B4GALT7: variants seen among roughly 807,000 people sequenced by gnomAD.
The protein encoded by B4GALT7 is beta-1,4-galactosyltransferase 7.
A neutral mutation model predicts 33.0 loss-of-function variants in B4GALT7; 30 were observed. The observed-to-expected ratio is 0.91, with a 90% CI of 0.68 to 1.23. The LOEUF (loss-of-function observed/expected upper bound fraction) is 1.23, where lower values mean the gene tolerates loss of function less well. Among genes scored for constraint, B4GALT7 ranks in the 50% most tolerant of loss-of-function variants. B4GALT7 has a pLI of 0.00. For synonymous variants in B4GALT7, 213 were observed against 187.2 expected (o/e 1.14, Z -1.13); for missense variants, 507 against 450.8 (o/e 1.12, Z -1.13).
At position 177,604,532 on chromosome 5, in the gene B4GALT7, A is replaced by C; in HGVS notation, c.404A>C (p.Asp135Ala). 1 of 1,613,674 alleles carries C rather than the reference A, an allele frequency of 6.2e-7. No individual in the cohort carries two copies. Among genetic ancestry groups the C allele is most frequent in the Non-Finnish European group, 8.5e-7 (1 of 1,179,914 alleles). ...RHHIYVLNQVDHFRFNRAALI... is the reference protein window; with the variant it reads ...RHHIYVLNQVAHFRFNRAALI... ...CACATCTACGTGCTCAACCAGGTGG[A>C]CCACTTCAGGTAGCGCCCGCCCCCA... Residue 135 changes from aspartate to alanine, a missense_variant, in exon 2 of 6, where the codon GAC becomes GCC. Physicochemically the swap from Asp to Ala is moderately radical, Grantham distance 126. Coordinates refer to ENST00000029410, the MANE Select transcript of B4GALT7 (RefSeq NM_007255.3).
At chr5:177,607,101 C>G (rs1019659792) in intron 2 of B4GALT7, 83 of 645,346 alleles carry the variant, frequency 1.3e-4, no homozygotes, top group East Asian at 7.7e-4. Flanking sequence ...ACTGCTGTAC[C>G]TCCCGTGCTT....
At position 177,608,519 on chromosome 5, in the gene B4GALT7, G is replaced by A. The variant is rs767067648; in HGVS notation, c.640-20G>A. On this transcript the variant is annotated intron_variant, in intron 3 of 5. Transcript: ENST00000029410. This position sits in a 1 kb window ranked among gnomAD's most constrained non-coding sequence, Gnocchi z 4.1. ...CCCCCGGGAAGATGGGCCGAGTGAC[G>A]CTGCTTGTCTCTGTGTCAGTGCAAT... 6.9e-6 allele frequency: 11 copies of A among 1,605,490 alleles called. No homozygotes were observed. Among genetic ancestry groups the A allele is most frequent in the South Asian group, 2.2e-5 (2 of 90,912 alleles).
rs138092105 is a variant in B4GALT7 at position 177,607,282 on chromosome 5, G to A, written c.414-20G>A. 1.3e-3 allele frequency: 2,130 copies of A among 1,584,444 alleles called. 18 individuals carry two copies. The highest frequency in any genetic ancestry group is 5.0e-4 in the Non-Finnish European group (579 of 1,166,192). On this transcript the variant is annotated intron_variant, in intron 2 of 5. Transcript: ENST00000029410. Reference sequence around the variant, plus strand: ...TGAGCCCGTGTGCTGCCCCTGCCCAGCCTTGCCCACCCTGCACAGGTTCAA... The same window carrying A: ...TGAGCCCGTGTGCTGCCCCTGCCCAACCTTGCCCACCCTGCACAGGTTCAA...
Position 177,607,560 on chromosome 5 carries a change from C to A in B4GALT7, c.639+33C>A, listed in dbSNP as rs112665401. ...CCGGACAGCCTGCTCTGCTCAGAGC[C>A]GGGAGCTCCCTCCAGGCTGCGGGTG... On this transcript the variant is annotated intron_variant, in intron 3 of 5. Transcript: ENST00000029410. The A allele has an allele frequency of 3.8e-4, 604 of 1,584,780 alleles. 4 individuals carry two copies. The African/African-American group carries it at 5.7e-3, about 15-fold the overall frequency.
chr5:177,606,963 A>C lies in B4GALT7; in HGVS notation c.414-339A>C, dbSNP rs1006892474. ...ACAAGAGCCACCTCCACCCCCAGCAAGATCGCCCTCCTTGCCTGCTTTGCT... is the reference window on the plus strand; with the variant it reads ...ACAAGAGCCACCTCCACCCCCAGCACGATCGCCCTCCTTGCCTGCTTTGCT... On this transcript the variant is annotated intron_variant, in intron 2 of 5. Transcript: ENST00000029410. The surrounding 1 kb of genome is among the most constrained non-coding windows in gnomAD (Gnocchi z 4.2). 4 of 393,566 alleles carry C rather than the reference A, an allele frequency of 1.0e-5. No homozygotes were observed. In the East Asian group the frequency reaches 2.4e-4, roughly 23 times the overall value. 24.4% of individuals were successfully genotyped at this position (393,566 alleles called of 1,614,324 possible).
Position 177,608,629 on chromosome 5 carries a change from T to G in B4GALT7, c.723+7T>G, listed in dbSNP as rs376100460. The G allele has an allele frequency of 6.2e-7, 1 of 1,612,608 alleles. No homozygotes were observed. Among genetic ancestry groups the G allele is most frequent in the Non-Finnish European group, 8.5e-7 (1 of 1,179,576 alleles). ...TAAGGGAGCTGGGCTCCAGGTGAGATTCCCCGGGCCCCGCCGCCACCTCAG... is the reference window on the plus strand; with the variant it reads ...TAAGGGAGCTGGGCTCCAGGTGAGAGTCCCCGGGCCCCGCCGCCACCTCAG... On this transcript the variant is annotated splice_region_variant and intron_variant, in intron 4 of 5. Coordinates refer to ENST00000029410, the MANE Select transcript of B4GALT7 (RefSeq NM_007255.3). This position sits in a 1 kb window ranked among gnomAD's most constrained non-coding sequence, Gnocchi z 4.1.
chr5:177,608,282 CCA>C lies in B4GALT7; in HGVS notation c.640-254_640-253del. ...GGCGCTTCTGCCCATCGACAGTTCC[CCA>C]CAGAGATCCCCTCTGGGCAGCCAGC... On this transcript the variant is annotated intron_variant, in intron 3 of 5. Coordinates refer to ENST00000029410, the MANE Select transcript of B4GALT7 (RefSeq NM_007255.3). The surrounding 1 kb of genome is among the most constrained non-coding windows in gnomAD (Gnocchi z 4.1). 1 of 537,068 alleles carries C rather than the reference CCA, an allele frequency of 1.9e-6. No homozygotes were observed. The highest frequency in any genetic ancestry group is 3.4e-6 in the Non-Finnish European group (1 of 297,814). The allele number at this position is 537,068 out of a possible 1,614,324, so 33.3% of individuals were successfully genotyped here.
Position 177,610,189 on chromosome 5 carries a change from T to C in B4GALT7, c.*494T>C, listed in dbSNP as rs533989010. On this transcript the variant is annotated 3_prime_UTR_variant, in exon 6 of 6. Transcript: ENST00000029410. ...AGAGGGGGAACAGCCAGCACCGCTC[T>C]AGCTGGTTGTTGCCATGCCGGAATG... The C allele has an allele frequency of 5.9e-6, 1 of 168,476 alleles. No homozygotes were observed. The highest frequency in any genetic ancestry group is 2.4e-5 in the African/African-American group (1 of 42,268). The allele number at this position is 168,476 out of a possible 1,614,324, so 10.4% of individuals were successfully genotyped here. A position where few individuals can be genotyped will look rare whatever the true frequency, so the allele number is the denominator to read the frequency against.
Position 177,604,438 on chromosome 5 carries a change from C to G in B4GALT7, c.310C>G (p.Arg104Gly). The change falls in exon 2 of 6, where the codon CGC becomes GGC. Residue 104 changes from arginine to glycine, a missense_variant. Coordinates refer to ENST00000029410, the MANE Select transcript of B4GALT7 (RefSeq NM_007255.3). ...RLAVLVPFRE[R>G]FEELLVFVPH... Reference sequence around the variant, plus strand: ...GGCAGTGCTGGTGCCCTTCCGCGAACGCTTCGAGGAGCTCCTGGTCTTCGT... The same window carrying G: ...GGCAGTGCTGGTGCCCTTCCGCGAAGGCTTCGAGGAGCTCCTGGTCTTCGT... The G allele has an allele frequency of 6.2e-7, 1 of 1,613,976 alleles. No individual in the cohort carries two copies. The highest frequency in any genetic ancestry group is 8.5e-7 in the Non-Finnish European group (1 of 1,179,922).
chr5:177,603,362 C>A, intron 1 of B4GALT7: 5 of 985,346 alleles, frequency 5.1e-6, no homozygotes, highest in Non-Finnish European at 6.0e-6. Context: ...GCAAAGGAAT[C>A]TGGTGAATTC....
Position 177,609,633 on chromosome 5 carries a change from ACTGTCCTCAACAT to A in B4GALT7, c.924_936del (p.Val309CysfsTer21). On this transcript the variant is annotated frameshift_variant, in exon 6 of 6. Coordinates refer to ENST00000029410, the MANE Select transcript of B4GALT7 (RefSeq NM_007255.3). LOFTEE classifies it high-confidence loss of function. Reference sequence around the variant, plus strand: ...CCTGTCTGTGGGCGGGGCCCCCTGCACTGTCCTCAACATCATGTTGGACTGTGACAAGACCGCC... The same window carrying A: ...CCTGTCTGTGGGCGGGGCCCCCTGCACATGTTGGACTGTGACAAGACCGCC... 1 of 1,613,888 alleles carries A rather than the reference ACTGTCCTCAACAT, an allele frequency of 6.2e-7. No individual in the cohort carries two copies. Among genetic ancestry groups the A allele is most frequent in the South Asian group, 1.1e-5 (1 of 91,070 alleles).
chr5:177,608,215 A>G lies in B4GALT7; in HGVS notation c.640-324A>G, dbSNP rs1768069172. 3 of 396,108 alleles carry G rather than the reference A, an allele frequency of 7.6e-6. No individual in the cohort carries two copies. The Admixed American group carries it at 1.1e-4, about 15-fold the overall frequency. The allele number at this position is 396,108 out of a possible 1,614,324, so 24.5% of individuals were successfully genotyped here. A position where few individuals can be genotyped will look rare whatever the true frequency, so the allele number is the denominator to read the frequency against. On this transcript the variant is annotated intron_variant, in intron 3 of 5. Coordinates refer to ENST00000029410, the MANE Select transcript of B4GALT7 (RefSeq NM_007255.3). The surrounding 1 kb of genome is among the most constrained non-coding windows in gnomAD (Gnocchi z 4.1). ...AGGAAGAGATGAGGGCAGGGCCACC[A>G]GGAGAAAGGGGAATGGGGGAAGCAG...
At chr5:177,605,043 AG>A (rs1561814604) in intron 2 of B4GALT7, 1 of 455,816 alleles carries the variant, frequency 2.2e-6, no homozygotes, top group East Asian at 7.0e-5. Context: ...CTTTCCCTCT[AG>A]GTAACTCCCA....
chr5:177,609,765 C>T lies in B4GALT7; in HGVS notation c.*70C>T, dbSNP rs921681147. The T allele has an allele frequency of 2.1e-5, 32 of 1,539,750 alleles. No homozygotes were observed. Among genetic ancestry groups the T allele is most frequent in the East Asian group, 2.0e-4 (8 of 40,896 alleles). The stretch of plus-strand genomic sequence containing the variant: ...TCAGGCTCAGGACAAGGCCTCAGGT[C>T]GTGGGCCCAGCTCTGACAGGATGTG... On this transcript the variant is annotated 3_prime_UTR_variant, in exon 6 of 6. Coordinates refer to ENST00000029410, the MANE Select transcript of B4GALT7 (RefSeq NM_007255.3).
chr5:177,600,286 C>T lies in B4GALT7; in HGVS notation c.50+26C>T, dbSNP rs974975352. ...GTGAGCGGCGGCGGTGGGCCCGGGC[C>T]CCGTCCTCCCGGGCGCCGCTCCCTT... On this transcript the variant is annotated intron_variant, in intron 1 of 5. Transcript: ENST00000029410. This position sits in a 1 kb window ranked among gnomAD's most constrained non-coding sequence, Gnocchi z 4.4. The T allele has an allele frequency of 2.9e-5, 38 of 1,300,478 alleles. No individual in the cohort carries two copies. Among genetic ancestry groups the T allele is most frequent in the South Asian group, 4.1e-5 (2 of 48,470 alleles). 80.6% of individuals were successfully genotyped at this position (1,300,478 alleles called of 1,614,324 possible). A position where few individuals can be genotyped will look rare whatever the true frequency, so the allele number is the denominator to read the frequency against.
Position 177,608,717 on chromosome 5 carries a change from T to C in B4GALT7, c.723+95T>C, listed in dbSNP as rs1338859603. 1 of 1,285,354 alleles carries C rather than the reference T, an allele frequency of 7.8e-7. No homozygotes were observed. The allele number at this position is 1,285,354 out of a possible 1,614,324, so 79.6% of individuals were successfully genotyped here. On this transcript the variant is annotated intron_variant, in intron 4 of 5. Transcript: ENST00000029410. This position sits in a 1 kb window ranked among gnomAD's most constrained non-coding sequence, Gnocchi z 4.1. ...AGATGAAGCTCCTGGGGTCTGGAGATGGCCCTGATTCTGATCCCTGCCCTA... is the reference window on the plus strand; with the variant it reads ...AGATGAAGCTCCTGGGGTCTGGAGACGGCCCTGATTCTGATCCCTGCCCTA...
Position 177,609,634 on chromosome 5 carries a change from C to T in B4GALT7, c.923C>T (p.Thr308Ile). 1 of 1,613,982 alleles carries T rather than the reference C, an allele frequency of 6.2e-7. No homozygotes were observed. Among genetic ancestry groups the T allele is most frequent in the Non-Finnish European group, 8.5e-7 (1 of 1,180,036 alleles). Reference protein sequence around the residue: ...TALSVGGAPCTVLNIMLDCDK... With the variant: ...TALSVGGAPCIVLNIMLDCDK... ...CTGTCTGTGGGCGGGGCCCCCTGCACTGTCCTCAACATCATGTTGGACTGT... is the reference window on the plus strand; with the variant it reads ...CTGTCTGTGGGCGGGGCCCCCTGCATTGTCCTCAACATCATGTTGGACTGT... The change falls in exon 6 of 6, where the codon ACT (threonine) becomes ATT (isoleucine). Residue 308 changes from threonine (T) to isoleucine (I), a missense_variant. Transcript: ENST00000029410.
rs994278237 is a variant in B4GALT7 at position 177,608,197 on chromosome 5, G to T, written c.640-342G>T. On this transcript the variant is annotated intron_variant, in intron 3 of 5. Coordinates refer to ENST00000029410, the MANE Select transcript of B4GALT7 (RefSeq NM_007255.3). This position sits in a 1 kb window ranked among gnomAD's most constrained non-coding sequence, Gnocchi z 4.1. Reference sequence around the variant, plus strand: ...TACCCCTCTCACACACACAGGAAGAGATGAGGGCAGGGCCACCAGGAGAAA... The same window carrying T: ...TACCCCTCTCACACACACAGGAAGATATGAGGGCAGGGCCACCAGGAGAAA... 8 of 363,070 alleles carry T rather than the reference G, an allele frequency of 2.2e-5. No individual in the cohort carries two copies. Among genetic ancestry groups the T allele is most frequent in the African/African-American group, 1.7e-4 (8 of 47,724 alleles). The allele number at this position is 363,070 out of a possible 1,614,324, so 22.5% of individuals were successfully genotyped here.
chr5:177,609,106 G>A, intron 5 of B4GALT7, 92 bp downstream of exon 5: 1 of 1,176,536 alleles, frequency 8.5e-7, no homozygotes, highest in South Asian at 1.3e-5. Flanking sequence ...TGGCCCAAAT[G>A]GTCCCATCCT....
Sources: gnomAD v4.1 joint callset for allele counts on GRCh38, gnomAD v4.1.1 for gene constraint, Gnocchi (gnomAD v3.1) non-coding constraint, MANE v1.5 for transcripts, NCBI Gene and HGNC (gene_info 2026-07-23, HGNC 2026-07-21) for gene names.